The following SYNE1 variants were observed in gnomAD, a reference collection of about 807,000 sequenced individuals.
The protein encoded by SYNE1 is spectrin repeat containing nuclear envelope protein 1.
SYNE1 carries 616 observed loss-of-function variants against 1,111.0 expected under a neutral mutation model. The ratio of observed to expected loss-of-function variants is 0.55; its 90% confidence interval spans 0.52 to 0.59. The LOEUF is 0.59. SYNE1 is among the 20% of genes least tolerant of loss of function. The probability of loss-of-function intolerance (pLI) is 0.00; values close to 1 mark genes in which losing one functional copy is unlikely to be tolerated. For synonymous variants in SYNE1, 3,855 were observed against 3,825.8 expected (o/e 1.01, Z -0.28); for missense variants, 10,006 against 10,417.0 (o/e 0.96, Z 1.72).
chr6:152,319,263 T>A (rs376247058), intron 84 of SYNE1, among the ~76,000 whole-genome samples: 1 of 152,208 alleles, frequency 6.6e-6, no homozygotes, highest in East Asian at 1.9e-4. Context: ...AATTCACTTA[T>A]TAAATATTTA....
chr6:152,480,091 A>G (rs2098877147), intron 14 of SYNE1, among the ~76,000 whole-genome samples: 1 of 152,232 alleles, frequency 6.6e-6, no homozygotes, highest in Non-Finnish European at 1.5e-5. Flanking sequence ...ATCATACATC[A>G]ATGATTCCTA....
chr6:152,450,713 C>A lies in SYNE1; in HGVS notation c.3307G>T (p.Val1103Leu). 1.9e-6 allele frequency: 3 copies of A among 1,614,118 alleles called. No individual in the cohort carries two copies. The highest frequency in any genetic ancestry group is 1.7e-6 in the Non-Finnish European group (2 of 1,180,028). ...PVRDTPGTCHVTLKELRAAID... is the reference protein window; with the variant it reads ...PVRDTPGTCHLTLKELRAAID... ...GCAGCTCTGAGCTCTTTGAGAGTCA[C>A]GTGACAGGTTCCAGGTGTGTCCCTT... The change falls in exon 27 of 146, where the codon GTG becomes TTG. Residue 1103 changes from valine to leucine, a missense_variant. This residue lies in a region of SYNE1 where 1,971 missense variants were observed against 2,084.1 expected (regional missense o/e 0.95). Coordinates refer to ENST00000367255, the MANE Select transcript of SYNE1 (RefSeq NM_182961.4).
intron 46 of SYNE1, among the ~76,000 whole-genome samples, chr6:152,402,930 T>C (rs182405677): frequency 1.3e-5 from 2 of 152,308 alleles, no homozygotes; most frequent in Admixed American, 1.3e-4. Flanking sequence ...TTTTTGCATA[T>C]GGATAGCACC....
Position 152,472,795 on chromosome 6 carries a change from T to A in SYNE1, c.1351-382A>T, listed in dbSNP as rs569348960. Among the ~76,000 whole-genome samples the A allele has an allele frequency of 3.9e-5, 6 of 152,332 alleles. No homozygotes were observed. In the East Asian group the frequency reaches 1.2e-3, roughly 29 times the overall value. ...AAGCTTAAAACTGAGCATGACAAAT[T>A]GAAACCTTTAATGGCAAAAGAGATT... On this transcript the variant is annotated intron_variant, in intron 14 of 145. Coordinates refer to ENST00000367255, the MANE Select transcript of SYNE1 (RefSeq NM_182961.4).
chr6:152,501,842 T>C (rs2099031698), intron 10 of SYNE1, among the ~76,000 whole-genome samples: 2 of 152,158 alleles, frequency 1.3e-5, no homozygotes, highest in South Asian at 4.1e-4. Flanking sequence ...CAAGATTGAG[T>C]AATAAATTAA....
At chr6:152,629,617 G>A (rs1018963644) in intron 2 of SYNE1, among the ~76,000 whole-genome samples, 1 of 149,198 alleles carries the variant, frequency 6.7e-6, no homozygotes, top group African/African-American at 2.5e-5. Flanking sequence ...ATTGCAAAAT[G>A]TACTTTAAAT....
rs773216368 is a variant in SYNE1 at position 152,488,517 on chromosome 6, G to A, written c.940-14C>T. ...TCTGTCTTCTCTCTGGAAATGAGGA[G>A]ACATTACAATTTTATTAGTATCTGT... On this transcript the variant is annotated splice_polypyrimidine_tract_variant and intron_variant, in intron 11 of 145. Transcript: ENST00000367255. 2.2e-6 allele frequency: 3 copies of A among 1,385,688 alleles called. No homozygotes were observed. The highest frequency in any genetic ancestry group is 1.8e-4 in the Middle Eastern group (1 of 5,590). The allele number at this position is 1,385,688 out of a possible 1,614,324, so 85.8% of individuals were successfully genotyped here.
At chr6:152,248,933 C>T (rs1171889617) in intron 105 of SYNE1, among the ~76,000 whole-genome samples, 1 of 152,178 alleles carries the variant, frequency 6.6e-6, no homozygotes, top group Non-Finnish European at 1.5e-5. Flanking sequence ...AGGTCAGCAT[C>T]TGCCATGGAT....
chr6:152,404,650 C>T (rs1420475684), intron 45 of SYNE1, among the ~76,000 whole-genome samples: 1 of 152,114 alleles, frequency 6.6e-6, no homozygotes, highest in African/African-American at 2.4e-5. Context: ...TATTCATTAA[C>T]TTTAATATTA....
intron 98 of SYNE1, among the ~76,000 whole-genome samples, chr6:152,272,278 T>C (rs1189573622): frequency 6.6e-6 from 1 of 152,202 alleles, no homozygotes; most frequent in Non-Finnish European, 1.5e-5. Context: ...ATTATGGTAA[T>C]TACTTTCTCT....
intron 130 of SYNE1, among the ~76,000 whole-genome samples, chr6:152,174,214 A>C (rs183803160): frequency 3.9e-4 from 60 of 152,276 alleles, no homozygotes; most frequent in African/African-American, 1.3e-3. Flanking sequence ...TCCCCGGGGG[A>C]TGTTTACCAA....
intron 17 of SYNE1, 101 bp downstream of exon 17, chr6:152,465,881 A>G (rs1417912430): frequency 1.1e-6 from 1 of 916,300 alleles, no homozygotes; most frequent in Admixed American, 1.9e-5. Context: ...AGGTCACTCA[A>G]AAATTCCACG....
At chr6:152,287,511 A>G (rs2094397294) in intron 95 of SYNE1, among the ~76,000 whole-genome samples, 1 of 152,010 alleles carries the variant, frequency 6.6e-6, no homozygotes, top group African/African-American at 2.4e-5. Flanking sequence ...GGCATTTTTA[A>G]TATATATTTT....
At chr6:152,276,028 TTC>T (rs200066808) in intron 98 of SYNE1, among the ~76,000 whole-genome samples, 9,059 of 127,626 alleles carry the variant, frequency 0.071, 513 homozygotes, top group East Asian at 0.23. Context: ...AATTCTCGAC[TTC>T]TTTTTTTTTT....
chr6:152,248,129 T>C (rs1388140680), intron 105 of SYNE1, among the ~76,000 whole-genome samples: 1 of 152,158 alleles, frequency 6.6e-6, no homozygotes, highest in Non-Finnish European at 1.5e-5. Context: ...GGATCTCCTG[T>C]TTCCTGACCC....
At chr6:152,309,037 G>C (rs1173405320) in intron 90 of SYNE1, among the ~76,000 whole-genome samples, 1 of 152,090 alleles carries the variant, frequency 6.6e-6, no homozygotes, top group African/African-American at 2.4e-5. Context: ...ACGAATTATG[G>C]GCTGGGCGCA....
At chr6:152,464,777 C>CA (rs1176655170) in intron 18 of SYNE1, 2 of 213,830 alleles carry the variant, frequency 9.4e-6, no homozygotes, top group Admixed American at 5.3e-5. Flanking sequence ...TATAACTGGC[C>CA]AAAAAATAAA....
intron 3 of SYNE1, among the ~76,000 whole-genome samples, chr6:152,599,223 A>G (rs1214200758): frequency 1.3e-5 from 2 of 152,214 alleles, no homozygotes; most frequent in African/African-American, 4.8e-5. Context: ...ACTGGCTAAT[A>G]ATGACTACAC....
At chr6:152,552,366 ATAT>A (rs1311861899) in intron 3 of SYNE1, among the ~76,000 whole-genome samples, 2 of 151,692 alleles carry the variant, frequency 1.3e-5, no homozygotes, top group African/African-American at 2.4e-5. Context: ...ATTACTGCTA[ATAT>A]TATTTCTTAG....
Sources: gnomAD v4.1 joint callset for allele counts (sites outside exome capture counted in the v4.1 genomes callset) on GRCh38, gnomAD v4.1.1 for gene constraint, gnomAD v4.1.1 regional missense constraint, MANE v1.5 for transcripts, NCBI Gene and HGNC (gene_info 2026-07-23, HGNC 2026-07-21) for gene names.